The following NOL4L variants were observed in gnomAD, a reference collection of about 807,000 sequenced individuals.
NOL4L encodes nucleolar protein 4-like.
A neutral mutation model predicts 64.5 loss-of-function variants in NOL4L; 7 were observed. That is an observed-to-expected ratio of 0.11 (90% CI 0.06 to 0.20). The LOEUF is 0.20. NOL4L is among the 10% of genes least tolerant of loss of function. NOL4L has a pLI of 1.00. For synonymous variants in NOL4L, 413 were observed against 401.0 expected, an observed-to-expected ratio of 1.03 and a Z score of -0.36; for missense variants, 680 against 967.1, an observed-to-expected ratio of 0.70 and a Z score of 3.94.
At chr20:32,517,495 G>A (rs1013284032) in intron 3 of NOL4L, among the ~76,000 whole-genome samples, 2 of 152,228 alleles carry the variant, frequency 1.3e-5, no homozygotes, top group Admixed American at 6.5e-5. Flanking sequence ...AGGGGAACCT[G>A]GGGACGGTCC....
chr20:32,530,132 C>A (rs2018290882), intron 1 of NOL4L, among the ~76,000 whole-genome samples: 1 of 152,186 alleles, frequency 6.6e-6, no homozygotes, highest in South Asian at 2.1e-4. Flanking sequence ...GTCAGTTAGA[C>A]TTTTAAAAAA....
intron 4 of NOL4L, among the ~76,000 whole-genome samples, chr20:32,493,218 C>T (rs985655207): frequency 6.6e-6 from 1 of 152,214 alleles, no homozygotes; most frequent in Admixed American, 6.5e-5. Flanking sequence ...GGGTGTGAGA[C>T]TAACTTACGT....
rs2013968509 is a variant in NOL4L, at chr20:32,460,795, A to T, written c.842-4400T>A. Among the ~76,000 whole-genome samples, 1 of 152,126 alleles carries T rather than the reference A, an allele frequency of 6.6e-6. No homozygotes were observed. Among genetic ancestry groups the T allele is most frequent in the Non-Finnish European group, 1.5e-5 (1 of 68,016 alleles). On this transcript the variant is annotated intron_variant, in intron 5 of 10. Transcript: ENST00000621426. This position sits in a 1 kb window ranked among gnomAD's most constrained non-coding sequence, Gnocchi z 5.7. ...CACTGTGGGGATGGGGGCAACTGCC[A>T]CCCTCGGAGCTCATGCTCCAGCAGC...
intron 1 of NOL4L, among the ~76,000 whole-genome samples, chr20:32,576,641 C>T (rs906480744): frequency 6.6e-6 from 1 of 152,144 alleles, no homozygotes; most frequent in Non-Finnish European, 1.5e-5. Context: ...ACTAGTGCTC[C>T]GGGATCCACA....
chr20:32,555,491 T>C (rs552134576), intron 1 of NOL4L, among the ~76,000 whole-genome samples: 17 of 150,352 alleles, frequency 1.1e-4, no homozygotes, highest in South Asian at 2.1e-4. Flanking sequence ...AGAGATGAGG[T>C]CTCACTATGT....
At chr20:32,512,315 T>C (rs1359688447) in intron 3 of NOL4L, among the ~76,000 whole-genome samples, 1 of 152,190 alleles carries the variant, frequency 6.6e-6, no homozygotes, top group Admixed American at 6.5e-5. Context: ...AAGTCAGTTA[T>C]CTTCCAGGTG....
At chr20:32,481,098 G>A (rs1204135243) in intron 4 of NOL4L, among the ~76,000 whole-genome samples, 5 of 152,180 alleles carry the variant, frequency 3.3e-5, no homozygotes, top group African/African-American at 4.8e-5. Context: ...TGTCAGAAGC[G>A]TATTCCCATC....
At chr20:32,557,566 A>G (rs1978742507) in intron 1 of NOL4L, among the ~76,000 whole-genome samples, 1 of 152,164 alleles carries the variant, frequency 6.6e-6, no homozygotes, top group South Asian at 2.1e-4. Flanking sequence ...GCAAGCCGTT[A>G]ATGGTGGGCA....
chr20:32,572,893 T>C (rs6119901), intron 1 of NOL4L, among the ~76,000 whole-genome samples: 15 of 152,288 alleles, frequency 9.8e-5, no homozygotes, highest in South Asian at 6.2e-4. Context: ...CCGGACTCCA[T>C]GTCCGTAAGG....
Position 32,584,877 on chromosome 20 carries a change from G to A in NOL4L, c.14C>T (p.Thr5Met). The change falls in exon 1 of 11, where the codon ACG (threonine) becomes ATG (methionine). Residue 5 changes from threonine (T) to methionine (M), a missense_variant. By Grantham distance (81) the Thr-to-Met change is moderately conservative (BLOSUM62 -1). Transcript: ENST00000621426. MPKP[T>M]LLLRGGWERE... ...CTCCCAGCCCCCGCGCAGCAGCAGC[G>A]TCGGCTTCGGCATCCTCCCGCCGCG... 7.5e-7 allele frequency: 1 copy of A among 1,325,396 alleles called. No individual in the cohort carries two copies. The highest frequency in any genetic ancestry group is 3.1e-5 in the Admixed American group (1 of 32,736). The allele number at this position is 1,325,396 out of a possible 1,614,324, so 82.1% of individuals were successfully genotyped here. A position where few individuals can be genotyped will look rare whatever the true frequency, so the allele number is the denominator to read the frequency against.
intron 5 of NOL4L, among the ~76,000 whole-genome samples, chr20:32,461,122 C>T (rs1737891): frequency 0.1 from 15,608 of 152,224 alleles, 1,433 homozygotes; most frequent in African/African-American, 0.24. Context: ...GCCTGTCCCT[C>T]GGCCCCACAA....
chr20:32,581,410 C>T (rs1980464129), intron 1 of NOL4L, among the ~76,000 whole-genome samples: 1 of 152,198 alleles, frequency 6.6e-6, no homozygotes, highest in Admixed American at 6.5e-5. Context: ...TGGGACAGGA[C>T]AAGTGGTGTC....
intron 1 of NOL4L, among the ~76,000 whole-genome samples, chr20:32,533,793 T>C (rs1293445447): frequency 6.6e-6 from 1 of 152,234 alleles, no homozygotes; most frequent in Non-Finnish European, 1.5e-5. Flanking sequence ...TTTCCTCAGA[T>C]GGATCTGAAT....
chr20:32,536,801 G>T (rs1600852856), intron 1 of NOL4L, among the ~76,000 whole-genome samples: 1 of 52,028 alleles, frequency 1.9e-5, no homozygotes, highest in South Asian at 8.2e-4. Context: ...GCTGGGAGTG[G>T]GGGGGGGGGG....
intron 2 of NOL4L, among the ~76,000 whole-genome samples, chr20:32,523,725 T>A (rs1704551696): frequency 6.6e-6 from 1 of 152,230 alleles, no homozygotes; most frequent in Non-Finnish European, 1.5e-5. Context: ...TGCCCTCCGC[T>A]GCCCTGGGCT....
In NOL4L at chr20:32,564,046, C is replaced by T. The variant is rs140672670; in HGVS notation, c.321+20524G>A. ...ACGAGAGGAGACAAAGGGACAAAGG[C>T]GCCCTTGGCTGCCCGGTGCAGCCTG... On this transcript the variant is annotated intron_variant, in intron 1 of 10. Coordinates refer to ENST00000621426, the MANE Select transcript of NOL4L (RefSeq NM_001256798.2). Among the ~76,000 whole-genome samples the T allele has an allele frequency of 2.4e-4, 36 of 152,290 alleles. 1 individual carries two copies. In the East Asian group the frequency reaches 5.4e-3, roughly 23 times the overall value.
At chr20:32,547,346 A>G (rs942156775) in intron 1 of NOL4L, among the ~76,000 whole-genome samples, 1 of 152,182 alleles carries the variant, frequency 6.6e-6, no homozygotes, top group Non-Finnish European at 1.5e-5. Context: ...GCCAGAGGGA[A>G]GTGGCTCAAT....
chr20:32,456,862 C>A (rs2013589594), intron 5 of NOL4L, among the ~76,000 whole-genome samples: 1 of 152,238 alleles, frequency 6.6e-6, no homozygotes, highest in Non-Finnish European at 1.5e-5. Context: ...CCCCTGCCCA[C>A]GGTGGGCCCT....
At chr20:32,506,286 C>T (rs2017137469) in intron 4 of NOL4L, among the ~76,000 whole-genome samples, 1 of 152,044 alleles carries the variant, frequency 6.6e-6, no homozygotes, top group Non-Finnish European at 1.5e-5. Context: ...TCCAGCCTCC[C>T]CTGGCCCCAG....
Sources: allele counts gnomAD v4.1 joint callset (sites outside exome capture counted in the v4.1 genomes callset), GRCh38; gene constraint gnomAD v4.1.1; non-coding constraint Gnocchi (gnomAD v3.1); transcripts MANE v1.5; gene names NCBI Gene and HGNC (gene_info 2026-07-23, HGNC 2026-07-21).